Variants in XRN1 observed in about 807,000 individuals in gnomAD.
The protein encoded by XRN1 is 5'-3' exoribonuclease 1.
A neutral mutation model predicts 222.3 loss-of-function variants in XRN1; 67 were observed. The observed-to-expected ratio is 0.30, with a 90% CI of 0.25 to 0.37. The LOEUF (loss-of-function observed/expected upper bound fraction) is 0.37. Ranked by LOEUF, XRN1 falls within the 10% of genes least tolerant of loss-of-function variation. XRN1 has a pLI of 1.00. For missense variants in XRN1, 1,707 were observed against 2,000.2 expected (o/e 0.85, Z 2.80); for synonymous variants, 643 against 652.4 (o/e 0.99, Z 0.22).
chr3:142,414,356 T>G (rs991245078), intron 13 of XRN1, 65 bp from the exon 14 acceptor site: 3 of 1,208,368 alleles, frequency 2.5e-6, no homozygotes, highest in Non-Finnish European at 3.3e-6. Context: ...AATAAACATA[T>G]ACTTTTCCCC....
chr3:142,432,209 T>TTTATTATATATATAATATATA (rs2069648280), intron 2 of XRN1, among the ~76,000 whole-genome samples: 1 of 103,282 alleles, frequency 9.7e-6, no homozygotes, highest in African/African-American at 3.5e-5. Flanking sequence ...TTATATATAA[T>TTTATTATATATATAATATATA]TAATTATATA....
chr3:142,428,685 A>G (rs2069371979), intron 2 of XRN1, among the ~76,000 whole-genome samples: 1 of 152,182 alleles, frequency 6.6e-6, no homozygotes, highest in Non-Finnish European at 1.5e-5. Flanking sequence ...GGACTTTTGG[A>G]TTAGGTAGCT....
At chr3:142,419,319 G>T (rs181713899) in intron 10 of XRN1, among the ~76,000 whole-genome samples, 1 of 150,608 alleles carries the variant, frequency 6.6e-6, no homozygotes, top group Admixed American at 6.6e-5. Context: ...GTTTTCTTAG[G>T]GGGGGAAAAA....
chr3:142,429,151 T>TTC (rs1286755723), intron 2 of XRN1, among the ~76,000 whole-genome samples: 1 of 148,528 alleles, frequency 6.7e-6, no homozygotes, highest in African/African-American at 2.5e-5. Context: ...AATCTTTTTT[T>TTC]TTTTTTTTTT....
intron 25 of XRN1, among the ~76,000 whole-genome samples, chr3:142,374,845 T>TG (rs1346389777): frequency 6.6e-6 from 1 of 152,172 alleles, no homozygotes. Context: ...GAAATAGGGT[T>TG]TTTAGTAGAG....
At chr3:142,432,229 TTA>T (rs1333102161) in intron 2 of XRN1, among the ~76,000 whole-genome samples, 6 of 106,412 alleles carry the variant, frequency 5.6e-5, no homozygotes, top group African/African-American at 1.7e-4. Flanking sequence ...ATATAATTAA[TTA>T]TATATATATA....
intron 37 of XRN1, among the ~76,000 whole-genome samples, chr3:142,323,086 T>C (rs2065404887): frequency 6.6e-6 from 1 of 152,122 alleles, no homozygotes; most frequent in South Asian, 2.1e-4. Flanking sequence ...TCCTGAGTTG[T>C]TGGGCTTACA....
rs879202796 is a variant in XRN1 at position 142,312,489 on chromosome 3, G to A, written c.4782+109C>T. ...CATTGCCTTCTTACTACCCACACTA[G>A]TACTGAACTTCTAGTTGGCACTGAA... On this transcript the variant is annotated intron_variant, in intron 40 of 40. Coordinates refer to ENST00000392981, the MANE Select transcript of XRN1 (RefSeq NM_001282857.2). 21 of 1,155,462 alleles carry A rather than the reference G, an allele frequency of 1.8e-5. No individual in the cohort carries two copies. In the Admixed American group the frequency reaches 4.9e-4, roughly 27 times the overall value. The allele number at this position is 1,155,462 out of a possible 1,614,324, so 71.6% of individuals were successfully genotyped here. A position where few individuals can be genotyped will look rare whatever the true frequency, so the allele number is the denominator to read the frequency against.
chr3:142,316,520 G>T (rs890290162), intron 39 of XRN1, among the ~76,000 whole-genome samples: 1 of 151,960 alleles, frequency 6.6e-6, no homozygotes, highest in African/African-American at 2.4e-5. Flanking sequence ...TATAATAAAA[G>T]CTGCTTAGTC....
In XRN1 at chr3:142,360,423, A is replaced by G. The variant is rs2066583287; in HGVS notation, c.3395-492T>C. 2.0e-5 allele frequency among the ~76,000 whole-genome samples: 3 copies of G among 152,218 alleles called. No homozygotes were observed. In the South Asian group the frequency reaches 6.2e-4, roughly 32 times the overall value. ...ACAATAATTTATCCACTCTCCTGCC[A>G]ATAAACATTTAGGTGATTTCTAACT... On this transcript the variant is annotated intron_variant, in intron 29 of 40. Coordinates refer to ENST00000392981, the MANE Select transcript of XRN1 (RefSeq NM_001282857.2).
At chr3:142,344,350 T>C (rs1371489435) in intron 33 of XRN1, among the ~76,000 whole-genome samples, 1 of 152,076 alleles carries the variant, frequency 6.6e-6, no homozygotes, top group Non-Finnish European at 1.5e-5. Flanking sequence ...CATAAATATA[T>C]ATACCTACTA....
intron 15 of XRN1, among the ~76,000 whole-genome samples, chr3:142,411,874 T>C (rs1469711081): frequency 2.7e-5 from 4 of 150,522 alleles, no homozygotes; most frequent in Non-Finnish European, 1.5e-5. Flanking sequence ...CAGGCTGGAG[T>C]GCAGTGGCGC....
At chr3:142,362,056 C>T (rs1229619075) in intron 29 of XRN1, among the ~76,000 whole-genome samples, 1 of 148,316 alleles carries the variant, frequency 6.7e-6, no homozygotes, top group South Asian at 2.1e-4. Context: ...GCAACCTCCA[C>T]CTCCTGTGTT....
intron 32 of XRN1, among the ~76,000 whole-genome samples, chr3:142,347,699 G>T (rs1014593241): frequency 6.6e-6 from 1 of 151,738 alleles, no homozygotes; most frequent in African/African-American, 2.4e-5. Context: ...CCGGGTTCAT[G>T]TGACTCTCAT....
rs559067223 is a variant in XRN1 at position 142,391,325 on chromosome 3, ATAGT to A, written c.2339+6000_2339+6003del. Among the ~76,000 whole-genome samples, 17 of 152,296 alleles carry A rather than the reference ATAGT, an allele frequency of 1.1e-4. No homozygotes were observed. In the South Asian group the frequency reaches 2.1e-3, roughly 19 times the overall value. ...CTTCTATTAAAATAAAATCCCCCAA[ATAGT>A]TAGCTCAAAACTTTTAAATTCCCAA... On this transcript the variant is annotated intron_variant, in intron 20 of 40. Coordinates refer to ENST00000392981, the MANE Select transcript of XRN1 (RefSeq NM_001282857.2).
intron 22 of XRN1, among the ~76,000 whole-genome samples, chr3:142,382,471 C>T (rs953338520): frequency 1.4e-4 from 21 of 152,250 alleles, no homozygotes; most frequent in African/African-American, 5.1e-4. Flanking sequence ...TTTTGTCACT[C>T]AAAGTATCCA....
At position 142,308,953 on chromosome 3, in the gene XRN1, C is replaced by T. The variant is rs1038343208; in HGVS notation, c.*2558G>A. 1 of 152,128 alleles carries T rather than the reference C, an allele frequency of 6.6e-6. No individual in the cohort carries two copies. The highest frequency in any genetic ancestry group is 2.4e-5 in the African/African-American group (1 of 41,410). The allele number at this position is 152,128 out of a possible 1,614,324, so 9.4% of individuals were successfully genotyped here. A position where few individuals can be genotyped will look rare whatever the true frequency, so the allele number is the denominator to read the frequency against. On this transcript the variant is annotated 3_prime_UTR_variant, in exon 41 of 41. Transcript: ENST00000392981. Reference sequence around the variant, plus strand: ...AGAGAATTTTAAATTTCTTGAAGTCCAACTGCTTTTCAGATATACTCTAAA... The same window carrying T: ...AGAGAATTTTAAATTTCTTGAAGTCTAACTGCTTTTCAGATATACTCTAAA...
At chr3:142,427,679 T>C (rs1211812910) in intron 2 of XRN1, among the ~76,000 whole-genome samples, 1 of 152,204 alleles carries the variant, frequency 6.6e-6, no homozygotes, top group Non-Finnish European at 1.5e-5. Flanking sequence ...TGCAAAATCA[T>C]CACATTTTTG....
intron 22 of XRN1, 22 bp downstream of exon 22, chr3:142,383,278 A>G (rs909994329): frequency 3.8e-6 from 6 of 1,559,204 alleles, no homozygotes; most frequent in Non-Finnish European, 5.3e-6. Context: ...AAAATGTATC[A>G]GTAACAATAA....
Sources: allele counts gnomAD v4.1 joint callset (sites outside exome capture counted in the v4.1 genomes callset), GRCh38; gene constraint gnomAD v4.1.1; transcripts MANE v1.5; gene names NCBI Gene and HGNC (gene_info 2026-07-23, HGNC 2026-07-21).